CLDN16: variants seen among roughly 807,000 people sequenced by gnomAD.
CLDN16 encodes the protein claudin-16.
Under a neutral mutation model 24.6 loss-of-function variants are expected in CLDN16, and 13 were observed. The ratio of observed to expected loss-of-function variants is 0.53; its 90% CI spans 0.34 to 0.84. CLDN16 has a LOEUF of 0.84. Ranked by LOEUF, CLDN16 falls within the 40% of genes least tolerant of loss-of-function variation. The probability of loss-of-function intolerance (pLI) is 0.01; values close to 1 mark genes in which losing one functional copy is unlikely to be tolerated. For synonymous variants in CLDN16, 116 were observed against 106.7 expected (o/e 1.09, Z -0.54); for missense variants, 298 against 292.7 (o/e 1.02, Z -0.13).
chr3:190,294,632 AT>A, the CLDN16 span, among the ~76,000 whole-genome samples: 1 of 152,132 alleles, frequency 6.6e-6, no homozygotes, highest in East Asian at 1.9e-4. Flanking sequence ...TTTTACACAA[AT>A]TATTAATATA....
the CLDN16 span, among the ~76,000 whole-genome samples, chr3:190,290,918 T>G: frequency 6.6e-6 from 1 of 152,126 alleles, no homozygotes; most frequent in Non-Finnish European, 1.5e-5. Context: ...AAAATGTGCA[T>G]GTAAGCCAAT....
At position 190,399,351 on chromosome 3, in the gene CLDN16, TAA is replaced by T. The variant is rs111384302; in HGVS notation, c.115-2976_115-2975del. On this transcript the variant is annotated intron_variant, in intron 1 of 4. Transcript: ENST00000264734. Reference sequence around the variant, plus strand: ...AAACCCCGTCTCTACTAAAAATACTTAAAAAAAAAAAGTAGCCTGGCGTGGTG... The same window carrying T: ...AAACCCCGTCTCTACTAAAAATACTTAAAAAAAAAGTAGCCTGGCGTGGTG... Among the ~76,000 whole-genome samples, 49 of 150,498 alleles carry T rather than the reference TAA, an allele frequency of 3.3e-4. No homozygotes were observed. The East Asian group carries it at 4.3e-3, about 13-fold the overall frequency.
At chr3:190,331,541 G>C (rs1717180082) in intron 1 of CLDN16, among the ~76,000 whole-genome samples, 1 of 152,088 alleles carries the variant, frequency 6.6e-6, no homozygotes, top group Non-Finnish European at 1.5e-5. Context: ...CAGTTCCTCT[G>C]TTGTACTTGA....
At chr3:190,305,125 C>A in the CLDN16 span, among the ~76,000 whole-genome samples, 3 of 152,198 alleles carry the variant, frequency 2.0e-5, no homozygotes, top group Non-Finnish European at 4.4e-5. Flanking sequence ...TGGCAATGAT[C>A]TTTGCACCTC....
chr3:190,303,580 A>T, the CLDN16 span, among the ~76,000 whole-genome samples: 7 of 152,210 alleles, frequency 4.6e-5, no homozygotes, highest in Admixed American at 1.3e-4. Context: ...AACTAAAATC[A>T]CAGAAATGCT....
chr3:190,331,914 C>A (rs544308097), intron 1 of CLDN16, among the ~76,000 whole-genome samples: 11 of 152,314 alleles, frequency 7.2e-5, no homozygotes, highest in African/African-American at 2.2e-4. Flanking sequence ...GGATCTATAT[C>A]CCTTGGCTCA....
At chr3:190,325,637 G>T (rs551096643) in intron 1 of CLDN16, among the ~76,000 whole-genome samples, 112 of 152,274 alleles carry the variant, frequency 7.4e-4, no homozygotes, top group Non-Finnish European at 1.3e-3. Flanking sequence ...AGAAGCAAAG[G>T]TAAGACTGTG....
intron 2 of CLDN16, among the ~76,000 whole-genome samples, chr3:190,402,640 TA>T (rs1405433121): frequency 6.6e-6 from 1 of 152,192 alleles, no homozygotes; most frequent in Non-Finnish European, 1.5e-5. Context: ...CATATATTTG[TA>T]AATTCATTGA....
intron 1 of CLDN16, among the ~76,000 whole-genome samples, chr3:190,389,392 A>T (rs1433752669): frequency 6.6e-6 from 1 of 152,246 alleles, no homozygotes; most frequent in Admixed American, 6.5e-5. Context: ...TGTCACCTCT[A>T]TAAAGTTTAA....
chr3:190,330,634 A>G (rs1056750388), intron 1 of CLDN16, among the ~76,000 whole-genome samples: 1 of 152,148 alleles, frequency 6.6e-6, no homozygotes, highest in African/African-American at 2.4e-5. Context: ...AAGAAATGTT[A>G]TCTCTTGTAA....
chr3:190,331,238 C>A (rs1219523955), intron 1 of CLDN16, among the ~76,000 whole-genome samples: 1 of 152,198 alleles, frequency 6.6e-6, no homozygotes, highest in East Asian at 1.9e-4. Context: ...TTCTCCCAAG[C>A]AACTTTCTTC....
intron 1 of CLDN16, among the ~76,000 whole-genome samples, chr3:190,389,028 C>A (rs918994593): frequency 1.3e-5 from 2 of 152,120 alleles, no homozygotes; most frequent in Admixed American, 6.5e-5. Context: ...GGGGGACAGG[C>A]ATGGATTTAA....
upstream of CLDN16, among the ~76,000 whole-genome samples, chr3:190,383,421 C>A (rs1193895307): frequency 3.9e-5 from 6 of 152,042 alleles, no homozygotes; most frequent in Non-Finnish European, 8.8e-5. Flanking sequence ...GCTAAGAAAT[C>A]TAAGGAACAA....
chr3:190,357,255 C>A (rs547022221), intron 1 of CLDN16, among the ~76,000 whole-genome samples: 2 of 151,896 alleles, frequency 1.3e-5, no homozygotes, highest in Admixed American at 1.3e-4. Flanking sequence ...CTAAAACTTG[C>A]AGATCTGGGA....
chr3:190,352,087 G>A (rs1340584109), intron 1 of CLDN16, among the ~76,000 whole-genome samples: 2 of 82,486 alleles, frequency 2.4e-5, no homozygotes, highest in African/African-American at 8.3e-5. Context: ...TTATAATTTT[G>A]GAATCATGCT....
In CLDN16 at chr3:190,346,979, G is replaced by A. The variant is rs116472175; in HGVS notation, n.122-23914G>A. Among the ~76,000 whole-genome samples the A allele has an allele frequency of 7.5e-3, 1,145 of 152,248 alleles. 21 individuals carry two copies. The highest frequency in any genetic ancestry group is 0.026 in the African/African-American group (1,091 of 41,510). On this transcript the variant is annotated intron_variant and non_coding_transcript_variant, in intron 1 of 4. Transcript: ENST00000468220. Reference sequence around the variant, plus strand: ...TAAGTTCACACGCCGAGGTTTGGGCGGGGGGACACTTTGGAGAACACTATT... The same window carrying A: ...TAAGTTCACACGCCGAGGTTTGGGCAGGGGGACACTTTGGAGAACACTATT...
At chr3:190,333,575 TATCTATCAATC>T (rs1204243305) in intron 1 of CLDN16, among the ~76,000 whole-genome samples, 5 of 98,024 alleles carry the variant, frequency 5.1e-5, no homozygotes, top group Admixed American at 1.1e-4. Context: ...TCTATCTATC[TATCTATCAATC>T]ATCTTTCTAT....
At chr3:190,401,092 A>G (rs1335097641) in intron 1 of CLDN16, among the ~76,000 whole-genome samples, 1 of 152,222 alleles carries the variant, frequency 6.6e-6, no homozygotes, top group African/African-American at 2.4e-5. Context: ...AATAATTATT[A>G]CCAACTATAA....
chr3:190,383,787 T>C (rs144050269), upstream of CLDN16, among the ~76,000 whole-genome samples: 3 of 152,266 alleles, frequency 2.0e-5, no homozygotes, highest in East Asian at 5.8e-4. Context: ...GATATAGATA[T>C]ACATACACAC....
Sources: allele counts gnomAD v4.1 joint callset (sites outside exome capture counted in the v4.1 genomes callset), GRCh38; gene constraint gnomAD v4.1.1; transcripts MANE v1.5; gene names NCBI Gene and HGNC (gene_info 2026-07-23, HGNC 2026-07-21).